Variants in CENPK observed in about 807,000 individuals in gnomAD.
The protein encoded by CENPK is SoxLZ/Sox6-binding protein Solt.
In CENPK, 46 loss-of-function variants were observed where a neutral mutation model predicts 40.9. The ratio of observed to expected loss-of-function variants is 1.13; its 90% CI spans 0.89 to 1.44. The LOEUF (loss-of-function observed/expected upper bound fraction) is 1.44, where lower values mean the gene tolerates loss of function less well. Among genes scored for constraint, CENPK ranks in the 40% most tolerant of loss-of-function variants. The pLI, the probability that CENPK is intolerant of heterozygous loss-of-function variation, is 0.00. For missense variants in CENPK, 288 were observed against 303.5 expected (o/e 0.95, Z 0.38); for synonymous variants, 107 against 104.4 (o/e 1.02, Z -0.15).
Position 65,529,028 on chromosome 5 carries a change from G to A in CENPK, c.372-11C>T, listed in dbSNP as rs1156590392. 3 of 1,588,622 alleles carry A rather than the reference G, an allele frequency of 1.9e-6. No individual in the cohort carries two copies. Among genetic ancestry groups the A allele is most frequent in the Non-Finnish European group, 2.6e-6 (3 of 1,160,684 alleles). ...AACCACCGTTGTTCCCTTTCGACATGGAAAAACAATACAAGCAATATCTAA... is the reference window on the plus strand; with the variant it reads ...AACCACCGTTGTTCCCTTTCGACATAGAAAAACAATACAAGCAATATCTAA... On this transcript the variant is annotated splice_polypyrimidine_tract_variant and intron_variant, in intron 7 of 10. Transcript: ENST00000396679.
chr5:65,551,444 C>A, intron 5 of CENPK, 120 bp downstream of exon 5: 2 of 559,602 alleles, frequency 3.6e-6, no homozygotes, highest in Admixed American at 3.7e-5. Flanking sequence ...TTCTCGGTAT[C>A]AATGAAATTT....
intron 6 of CENPK, among the ~76,000 whole-genome samples, chr5:65,535,977 G>T (rs75481269): frequency 0.015 from 2,224 of 152,286 alleles, 48 homozygotes; most frequent in African/African-American, 0.051. Flanking sequence ...GCTGCACTGC[G>T]ATAAGTTACT....
chr5:65,556,079 T>C (rs1287920371), intron 2 of CENPK, among the ~76,000 whole-genome samples: 2 of 152,236 alleles, frequency 1.3e-5, no homozygotes, highest in East Asian at 1.9e-4. Context: ...TTGATGATCC[T>C]GACCTTGCCT....
At chr5:65,551,455 G>C (rs1342513424) in intron 5 of CENPK, 109 bp downstream of exon 5, 1 of 577,818 alleles carries the variant, frequency 1.7e-6, no homozygotes, top group African/African-American at 1.9e-5. Flanking sequence ...AATGAAATTT[G>C]GGCAATTTCA....
chr5:65,528,417 T>C, intron 9 of CENPK, 35 bp downstream of exon 9: 1 of 1,557,944 alleles, frequency 6.4e-7, no homozygotes, highest in Non-Finnish European at 8.6e-7. Context: ...ATTTCAAATA[T>C]GATAATTTAC....
At chr5:65,556,349 C>G (rs995131774) in intron 2 of CENPK, among the ~76,000 whole-genome samples, 1 of 152,034 alleles carries the variant, frequency 6.6e-6, no homozygotes, top group Non-Finnish European at 1.5e-5. Flanking sequence ...GTGGCCCAGT[C>G]CTGTAGCCCA....
chr5:65,532,650 C>T (rs1662326736), intron 6 of CENPK, among the ~76,000 whole-genome samples: 1 of 151,850 alleles, frequency 6.6e-6, no homozygotes, highest in Admixed American at 6.6e-5. Context: ...TGGGTCTTGC[C>T]TGTAATCCCA....
At chr5:65,496,838 G>C in the CENPK span, among the ~76,000 whole-genome samples, 2 of 152,004 alleles carry the variant, frequency 1.3e-5, no homozygotes, top group African/African-American at 4.8e-5. Context: ...TAGATCACAA[G>C]GTCAGGAGTT....
At chr5:65,498,208 ATATAT>A in the CENPK span, among the ~76,000 whole-genome samples, 1 of 152,052 alleles carries the variant, frequency 6.6e-6, no homozygotes, top group Non-Finnish European at 1.5e-5. Flanking sequence ...AAACATTTTT[ATATAT>A]TATATATCTC....
intron 9 of CENPK, among the ~76,000 whole-genome samples, chr5:65,522,051 G>A (rs1036728419): frequency 2.2e-4 from 34 of 152,180 alleles, no homozygotes; most frequent in African/African-American, 7.9e-4. Flanking sequence ...CTAAGACAGT[G>A]AAAACTCTTA....
intron 6 of CENPK, among the ~76,000 whole-genome samples, chr5:65,532,216 T>C (rs937929303): frequency 5.3e-5 from 8 of 152,152 alleles, no homozygotes; most frequent in African/African-American, 1.4e-4. Context: ...TCCAGAGAAA[T>C]AGAATTTGTA....
intron 5 of CENPK, among the ~76,000 whole-genome samples, chr5:65,543,170 G>A (rs1748282074): frequency 6.6e-6 from 1 of 152,126 alleles, no homozygotes; most frequent in Non-Finnish European, 1.5e-5. Context: ...CATCATGTTG[G>A]CCAAGCCAGT....
intron 6 of CENPK, 107 bp downstream of exon 6, chr5:65,542,695 A>G (rs1748184638): frequency 1.3e-6 from 1 of 764,454 alleles, no homozygotes; most frequent in Non-Finnish European, 2.0e-6. Flanking sequence ...AGAAAATTTA[A>G]TATGGTTTTA....
chr5:65,551,200 T>C (rs140940836), intron 5 of CENPK: 249 of 381,796 alleles, frequency 6.5e-4, no homozygotes, highest in African/African-American at 5.5e-3. Context: ...CAATGAGCCA[T>C]GATTGTGCCA....
At chr5:65,516,107 C>A (rs113815427), downstream of CENPK, among the ~76,000 whole-genome samples, 1 of 152,140 alleles carries the variant, frequency 6.6e-6, no homozygotes, top group Non-Finnish European at 1.5e-5. Context: ...TGTCTCCAAA[C>A]ACTATCGCAC....
chr5:65,525,448 A>G (rs1157088445), intron 9 of CENPK, among the ~76,000 whole-genome samples: 3 of 152,116 alleles, frequency 2.0e-5, no homozygotes, highest in African/African-American at 4.8e-5. Context: ...CAATCCATCT[A>G]TTTATGGTTC....
At chr5:65,537,871 G>A (rs1747236498) in intron 6 of CENPK, among the ~76,000 whole-genome samples, 1 of 152,108 alleles carries the variant, frequency 6.6e-6, no homozygotes, top group South Asian at 2.1e-4. Context: ...ATGATGCTAT[G>A]AACATTCATG....
intron 6 of CENPK, among the ~76,000 whole-genome samples, chr5:65,540,231 GA>G (rs1272928531): frequency 1.3e-5 from 2 of 152,126 alleles, no homozygotes; most frequent in African/African-American, 4.8e-5. Flanking sequence ...ATACAGTCAA[GA>G]GAAGCCAAGC....
the CENPK span, among the ~76,000 whole-genome samples, chr5:65,507,263 T>A: frequency 8.6e-3 from 1,304 of 152,234 alleles, 11 homozygotes; most frequent in Non-Finnish European, 0.015. Flanking sequence ...AAAAAAAAAT[T>A]TCTCCAAAGT....
Sources: gnomAD v4.1 joint callset for allele counts (sites outside exome capture counted in the v4.1 genomes callset) on GRCh38, gnomAD v4.1.1 for gene constraint, MANE v1.5 for transcripts, NCBI Gene and HGNC (gene_info 2026-07-23, HGNC 2026-07-21) for gene names.